Variants in CTNNA2 observed in about 807,000 individuals in gnomAD.
CTNNA2 encodes the protein catenin alpha-2.
In CTNNA2, 42 loss-of-function variants were observed where a neutral mutation model predicts 101.0. The ratio of observed to expected loss-of-function variants is 0.42; its 90% CI spans 0.32 to 0.54. CTNNA2 has a LOEUF of 0.54. Among genes scored for constraint, CTNNA2 ranks in the 20% least tolerant of loss-of-function variants. The pLI is 0.14. For synonymous variants in CTNNA2, 450 were observed against 456.4 expected, an observed-to-expected ratio of 0.99 and a Z score of 0.18; for missense variants, 871 against 1,223.1, an observed-to-expected ratio of 0.71 and a Z score of 4.29.
chr2:80,643,516 G>A (rs974784892), intron 18 of CTNNA2, among the ~76,000 whole-genome samples: 3 of 152,218 alleles, frequency 2.0e-5, no homozygotes, highest in Non-Finnish European at 4.4e-5. Context: ...GTTAGATACA[G>A]GAACTTAATG....
chr2:79,187,750 G>A (rs1266420283), intron 1 of CTNNA2, among the ~76,000 whole-genome samples: 1 of 152,124 alleles, frequency 6.6e-6, no homozygotes, highest in Admixed American at 6.6e-5. Context: ...AAATATCTTG[G>A]ATTAAAATAA....
At chr2:79,852,889 C>A (rs1192580694) in intron 3 of CTNNA2, among the ~76,000 whole-genome samples, 1 of 151,462 alleles carries the variant, frequency 6.6e-6, no homozygotes, top group Non-Finnish European at 1.5e-5. Context: ...CGCGCACAGC[C>A]GCAGTTTAAC....
intron 4 of CTNNA2, among the ~76,000 whole-genome samples, chr2:79,450,328 A>G (rs1168230792): frequency 6.6e-6 from 1 of 152,050 alleles, no homozygotes; most frequent in African/African-American, 2.4e-5. Context: ...ATCATACATA[A>G]CAAAAGGGCT....
At chr2:79,329,283 A>G (rs1226504133) in intron 3 of CTNNA2, among the ~76,000 whole-genome samples, 1 of 152,166 alleles carries the variant, frequency 6.6e-6, no homozygotes, top group African/African-American at 2.4e-5. Flanking sequence ...TCCTAGAAAC[A>G]ACATAGATGG....
chr2:79,983,977 TA>T (rs890314417), intron 7 of CTNNA2, among the ~76,000 whole-genome samples: 9 of 152,022 alleles, frequency 5.9e-5, no homozygotes, highest in Non-Finnish European at 1.2e-4. Context: ...CTGGAGTGAT[TA>T]AAAAAAATAA....
chr2:80,347,662 C>A (rs1672865456), intron 7 of CTNNA2, among the ~76,000 whole-genome samples: 1 of 147,516 alleles, frequency 6.8e-6, no homozygotes, highest in Non-Finnish European at 1.5e-5. Context: ...CATGTGGATA[C>A]TTAGCTGTTG....
intron 7 of CTNNA2, among the ~76,000 whole-genome samples, chr2:80,003,259 T>C (rs1693088952): frequency 6.6e-6 from 1 of 152,206 alleles, no homozygotes; most frequent in African/African-American, 2.4e-5. Flanking sequence ...ATTGTATGCA[T>C]TTCATTTTGC....
chr2:79,965,552 G>A (rs149379806), intron 7 of CTNNA2, among the ~76,000 whole-genome samples: 14 of 152,156 alleles, frequency 9.2e-5, no homozygotes, highest in East Asian at 3.9e-4. Flanking sequence ...AGCCAGGCTC[G>A]GTGGTTCACA....
At chr2:79,476,944 A>C (rs1161298967) in intron 4 of CTNNA2, among the ~76,000 whole-genome samples, 1 of 152,044 alleles carries the variant, frequency 6.6e-6, no homozygotes, top group Non-Finnish European at 1.5e-5. Flanking sequence ...TTACTTTCTA[A>C]AGATGCCTTT....
intron 9 of CTNNA2, among the ~76,000 whole-genome samples, chr2:80,437,237 G>A (rs1412958595): frequency 5.3e-5 from 8 of 152,122 alleles, no homozygotes; most frequent in Admixed American, 5.2e-4. Flanking sequence ...ATAGCTGCCT[G>A]AACACACTAA....
At chr2:79,929,316 TAGTG>T (rs1426584770) in intron 7 of CTNNA2, among the ~76,000 whole-genome samples, 1 of 152,188 alleles carries the variant, frequency 6.6e-6, no homozygotes, top group Non-Finnish European at 1.5e-5. Context: ...TAGAAAAAGA[TAGTG>T]AGAGGAGAAT....
intron 9 of CTNNA2, among the ~76,000 whole-genome samples, chr2:80,494,148 A>C (rs1687265108): frequency 6.6e-6 from 1 of 152,214 alleles, no homozygotes; most frequent in African/African-American, 2.4e-5. Context: ...AGGCATTGGA[A>C]AGTGGGAAAT....
At chr2:79,928,054 GT>G (rs1180142276) in intron 7 of CTNNA2, among the ~76,000 whole-genome samples, 1 of 152,132 alleles carries the variant, frequency 6.6e-6, no homozygotes, top group East Asian at 1.9e-4. Flanking sequence ...TTTACGTTGG[GT>G]TTGTTGAATC....
chr2:79,967,980 T>C (rs927202877), intron 7 of CTNNA2, among the ~76,000 whole-genome samples: 5 of 152,216 alleles, frequency 3.3e-5, no homozygotes, highest in African/African-American at 9.6e-5. Flanking sequence ...TGATTCCCTT[T>C]ATATAAAATA....
At chr2:79,627,645 G>A (rs983783574) in intron 1 of CTNNA2, among the ~76,000 whole-genome samples, 5 of 152,108 alleles carry the variant, frequency 3.3e-5, no homozygotes, top group African/African-American at 1.2e-4. Context: ...TTCTGTTGTT[G>A]ATATTAAAAT....
At chr2:80,061,979 T>C (rs777151320) in intron 7 of CTNNA2, among the ~76,000 whole-genome samples, 1 of 152,242 alleles carries the variant, frequency 6.6e-6, no homozygotes, top group Non-Finnish European at 1.5e-5. Context: ...TAACATTTCC[T>C]GATTGCTTCA....
intron 1 of CTNNA2, among the ~76,000 whole-genome samples, chr2:79,642,107 G>C (rs577128074): frequency 5.9e-5 from 9 of 152,292 alleles, no homozygotes; most frequent in African/African-American, 2.2e-4. Context: ...ATACTAGTTT[G>C]ATAAGTTTAT....
Position 80,302,888 on chromosome 2 carries a change from A to T in CTNNA2, c.1057-90323A>T, listed in dbSNP as rs1190160622. ...CCCGCAATCCCACAGGTTCCCGGCC[A>T]GGGTGATGCTTGTCAGGGACTTCCA... On this transcript the variant is annotated intron_variant, in intron 7 of 18. Transcript: ENST00000402739. This position sits in a 1 kb window ranked among gnomAD's most constrained non-coding sequence, Gnocchi z 6.4. 6.2e-7 allele frequency: 1 copy of T among 1,614,140 alleles called. No homozygotes were observed. The highest frequency in any genetic ancestry group is 8.5e-7 in the Non-Finnish European group (1 of 1,180,024).
chr2:79,635,440 C>T (rs1197550660), intron 1 of CTNNA2, among the ~76,000 whole-genome samples: 1 of 149,630 alleles, frequency 6.7e-6, no homozygotes, highest in Non-Finnish European at 1.5e-5. Context: ...GACTCCGTCA[C>T]AGAAAAAAGA....
Sources: allele counts gnomAD v4.1 joint callset (sites outside exome capture counted in the v4.1 genomes callset), GRCh38; gene constraint gnomAD v4.1.1; non-coding constraint Gnocchi (gnomAD v3.1); transcripts MANE v1.5; gene names NCBI Gene and HGNC (gene_info 2026-07-23, HGNC 2026-07-21).